Variants in ATRNL1 observed in about 807,000 individuals in gnomAD.
ATRNL1 encodes attractin-like protein 1.
Under a neutral mutation model 182.7 loss-of-function variants are expected in ATRNL1, and 95 were observed. That is an observed-to-expected ratio of 0.52 (90% CI 0.44 to 0.62). The LOEUF (loss-of-function observed/expected upper bound fraction) is 0.62, where lower values mean the gene tolerates loss of function less well. Among genes scored for constraint, ATRNL1 ranks in the 20% least tolerant of loss-of-function variants. The probability of loss-of-function intolerance (pLI) is 0.00; values close to 1 mark genes in which losing one functional copy is unlikely to be tolerated. For synonymous variants in ATRNL1, 576 were observed against 568.3 expected, an observed-to-expected ratio of 1.01 and a Z score of -0.19; for missense variants, 1,471 against 1,679.5, an observed-to-expected ratio of 0.88 and a Z score of 2.17.
At chr10:115,776,634 T>G (rs1224088875) in intron 27 of ATRNL1, among the ~76,000 whole-genome samples, 3 of 147,570 alleles carry the variant, frequency 2.0e-5, no homozygotes, top group Non-Finnish European at 4.4e-5. Context: ...CTCGTACATC[T>G]TAATGTTTGA....
chr10:115,845,368 G>A, intron 27 of ATRNL1, among the ~76,000 whole-genome samples: 1 of 151,938 alleles, frequency 6.6e-6, no homozygotes, highest in East Asian at 1.9e-4. Flanking sequence ...TTTTATGCAG[G>A]CATAATTTCC....
intron 28 of ATRNL1, among the ~76,000 whole-genome samples, chr10:115,905,413 AG>A (rs1268293358): frequency 1.4e-5 from 2 of 147,730 alleles, no homozygotes; most frequent in Non-Finnish European, 3.0e-5. Flanking sequence ...TAAGTTTTGT[AG>A]AGGCAGGGTC....
intron 8 of ATRNL1, 136 bp from the exon 9 acceptor site, chr10:115,215,561 T>C (rs891503565): frequency 3.0e-5 from 21 of 707,330 alleles, no homozygotes; most frequent in Middle Eastern, 4.0e-4. Flanking sequence ...TGTTTCTTGA[T>C]TAAATTAATA....
At chr10:115,380,682 C>T (rs1857949043) in intron 19 of ATRNL1, among the ~76,000 whole-genome samples, 1 of 152,042 alleles carries the variant, frequency 6.6e-6, no homozygotes, top group Admixed American at 6.6e-5. Context: ...AAGGTTCATC[C>T]ATGTTGTATT....
chr10:115,500,444 AT>A lies in ATRNL1; in HGVS notation c.3655-18810del, dbSNP rs59868734. The stretch of plus-strand genomic sequence containing the variant: ...CATCAGGTGTCCTATAGTTTTTGAA[AT>A]TTTTTTTTCTCCAGTTTCCCGTGTT... On this transcript the variant is annotated intron_variant, in intron 24 of 28. Coordinates refer to ENST00000355044, the MANE Select transcript of ATRNL1 (RefSeq NM_207303.4). 9.9e-5 allele frequency among the ~76,000 whole-genome samples: 15 copies of A among 151,806 alleles called. No homozygotes were observed. The South Asian group carries it at 1.0e-3, about 11-fold the overall frequency.
intron 20 of ATRNL1, among the ~76,000 whole-genome samples, chr10:115,419,521 C>G (rs1554961546): frequency 6.6e-6 from 1 of 152,094 alleles, no homozygotes; most frequent in East Asian, 1.9e-4. Context: ...ATGCTGCCTA[C>G]AGGAGACTTA....
At chr10:115,109,339 T>A (rs1368253956) in intron 1 of ATRNL1, among the ~76,000 whole-genome samples, 1 of 152,202 alleles carries the variant, frequency 6.6e-6, no homozygotes, top group Non-Finnish European at 1.5e-5. Context: ...AATAAAAATT[T>A]ATTGGCTTAT....
At chr10:115,733,402 T>A (rs760797281) in intron 27 of ATRNL1, among the ~76,000 whole-genome samples, 53 of 152,324 alleles carry the variant, frequency 3.5e-4, no homozygotes, top group Non-Finnish European at 6.6e-4. Context: ...AAAAAATTAA[T>A]TTCGAATCTA....
chr10:115,748,671 G>C (rs1485306563), intron 27 of ATRNL1, among the ~76,000 whole-genome samples: 1 of 151,644 alleles, frequency 6.6e-6, no homozygotes, highest in African/African-American at 2.4e-5. Flanking sequence ...TCTAGAGCAT[G>C]ACCAATGTTC....
intron 9 of ATRNL1, among the ~76,000 whole-genome samples, chr10:115,238,988 T>C (rs1554902162): frequency 6.6e-6 from 1 of 152,202 alleles, no homozygotes; most frequent in Non-Finnish European, 1.5e-5. Flanking sequence ...TATGATCATA[T>C]GATTTTCTTT....
intron 18 of ATRNL1, among the ~76,000 whole-genome samples, chr10:115,324,541 T>G (rs1000871934): frequency 2.3e-4 from 35 of 152,186 alleles, no homozygotes; most frequent in Admixed American, 2.0e-3. Flanking sequence ...TGTATTAATA[T>G]TTTACTTGGT....
chr10:115,781,072 T>C lies in ATRNL1; in HGVS notation c.3903+53717T>C, dbSNP rs542764383. Among the ~76,000 whole-genome samples the C allele has an allele frequency of 2.0e-5, 3 of 152,318 alleles. No individual in the cohort carries two copies. In the East Asian group the frequency reaches 5.8e-4, roughly 29 times the overall value. ...CTTGAGGAGACACTTCACAAGAGGA[T>C]CTGCAAATGTCCAACAAGCATATAT... On this transcript the variant is annotated intron_variant, in intron 27 of 28. Transcript: ENST00000355044.
chr10:115,847,496 ATGT>A (rs549882640), intron 27 of ATRNL1, among the ~76,000 whole-genome samples: 24 of 152,280 alleles, frequency 1.6e-4, no homozygotes, highest in African/African-American at 5.3e-4. Context: ...TCAAAACATC[ATGT>A]TGTACACCCT....
chr10:115,682,029 T>G (rs1593059491), intron 26 of ATRNL1, among the ~76,000 whole-genome samples: 1 of 152,308 alleles, frequency 6.6e-6, no homozygotes, highest in East Asian at 1.9e-4. Context: ...TGTAGTGATT[T>G]TTTTAGACTG....
At position 115,290,654 on chromosome 10, in the gene ATRNL1, C is replaced by G. The variant is rs1431106274; in HGVS notation, c.2415+4257C>G. Among the ~76,000 whole-genome samples, 4 of 151,962 alleles carry G rather than the reference C, an allele frequency of 2.6e-5. No individual in the cohort carries two copies. The South Asian group carries it at 6.3e-4, about 24-fold the overall frequency. On this transcript the variant is annotated intron_variant, in intron 15 of 28. Coordinates refer to ENST00000355044, the MANE Select transcript of ATRNL1 (RefSeq NM_207303.4). ...CTGGGTGACAAGAGTGAAACTGCAG[C>G]CCCCCACCCCCGTCCAAAAAAGAGC...
chr10:115,302,652 C>T (rs1446225140), intron 17 of ATRNL1, among the ~76,000 whole-genome samples: 1 of 152,114 alleles, frequency 6.6e-6, no homozygotes, highest in Non-Finnish European at 1.5e-5. Flanking sequence ...GATTTTGCCC[C>T]TTGCTGATCT....
chr10:115,304,459 C>T (rs115467445), intron 17 of ATRNL1, among the ~76,000 whole-genome samples: 6 of 151,976 alleles, frequency 3.9e-5, no homozygotes, highest in Non-Finnish European at 7.4e-5. Context: ...TACGGACACA[C>T]GTGGAGTGGT....
chr10:115,288,422 G>A (rs2133944043), intron 15 of ATRNL1, among the ~76,000 whole-genome samples: 1 of 152,030 alleles, frequency 6.6e-6, no homozygotes, highest in East Asian at 1.9e-4. Flanking sequence ...ATCTGGAGGT[G>A]AGATGATAGC....
intron 13 of ATRNL1, among the ~76,000 whole-genome samples, chr10:115,276,258 C>T (rs1852100440): frequency 6.6e-6 from 1 of 152,058 alleles, no homozygotes; most frequent in African/African-American, 2.4e-5. Context: ...AAAAGTTGCA[C>T]CTCCTAATAA....
Sources: gnomAD v4.1 joint callset for allele counts (sites outside exome capture counted in the v4.1 genomes callset) on GRCh38, gnomAD v4.1.1 for gene constraint, MANE v1.5 for transcripts, NCBI Gene and HGNC (gene_info 2026-07-23, HGNC 2026-07-21) for gene names.